LSAMP: variants seen among roughly 807,000 people sequenced by gnomAD.
The protein encoded by LSAMP is limbic system-associated membrane protein.
Under a neutral mutation model 38.6 loss-of-function variants are expected in LSAMP, and 7 were observed. The observed-to-expected ratio is 0.18, with a 90% CI of 0.10 to 0.34. The LOEUF (loss-of-function observed/expected upper bound fraction) is 0.34. LSAMP is among the 10% of genes least tolerant of loss of function. The pLI, the probability that LSAMP is intolerant of heterozygous loss-of-function variation, is 1.00. For synonymous variants in LSAMP, 154 were observed against 166.8 expected (o/e 0.92, Z 0.59); for missense variants, 313 against 420.0 (o/e 0.75, Z 2.23).
chr3:115,850,115 C>T (rs1292279471), intron 4 of LSAMP, among the ~76,000 whole-genome samples: 2 of 152,162 alleles, frequency 1.3e-5, no homozygotes, highest in Non-Finnish European at 2.9e-5. Context: ...CTGTGGTTCA[C>T]TCATCACTAG....
intron 3 of LSAMP, among the ~76,000 whole-genome samples, chr3:115,878,696 A>G (rs2107422320): frequency 6.6e-6 from 1 of 152,022 alleles, no homozygotes. Flanking sequence ...TCCTGGCCTC[A>G]AGAGATCCAC....
At chr3:115,970,634 T>C (rs1317945462) in intron 3 of LSAMP, among the ~76,000 whole-genome samples, 1 of 152,170 alleles carries the variant, frequency 6.6e-6, no homozygotes, top group Non-Finnish European at 1.5e-5. Context: ...CTTAGACTTA[T>C]TATGTACATT....
intron 1 of LSAMP, among the ~76,000 whole-genome samples, chr3:116,202,986 A>AT (rs1455145604): frequency 6.6e-6 from 1 of 152,206 alleles, no homozygotes; most frequent in Non-Finnish European, 1.5e-5. Flanking sequence ...TTGTGTATTG[A>AT]TTTTGTGTCC....
intron 3 of LSAMP, among the ~76,000 whole-genome samples, chr3:115,912,269 G>A (rs982551684): frequency 6.6e-6 from 1 of 152,160 alleles, no homozygotes. Flanking sequence ...AAGTTTTACA[G>A]TTTTACATTT....
chr3:116,018,510 A>G (rs539794499), intron 3 of LSAMP, among the ~76,000 whole-genome samples: 12 of 152,298 alleles, frequency 7.9e-5, no homozygotes, highest in African/African-American at 2.9e-4. Context: ...ATTTTAAGTG[A>G]CTATAAGATA....
At chr3:116,377,882 A>T (rs1298682925) in intron 1 of LSAMP, among the ~76,000 whole-genome samples, 2 of 152,002 alleles carry the variant, frequency 1.3e-5, no homozygotes, top group Non-Finnish European at 2.9e-5. Context: ...AGTTGGCCTG[A>T]AAATAACCAG....
intron 1 of LSAMP, among the ~76,000 whole-genome samples, chr3:116,117,254 G>T (rs898611403): frequency 6.6e-6 from 1 of 152,134 alleles, no homozygotes; most frequent in Non-Finnish European, 1.5e-5. Context: ...AGGCTCCACT[G>T]CAGGGTGACC....
intron 3 of LSAMP, among the ~76,000 whole-genome samples, chr3:116,007,494 T>C (rs1177969526): frequency 3.9e-5 from 6 of 152,176 alleles, no homozygotes; most frequent in Non-Finnish European, 5.9e-5. Flanking sequence ...TTCAGAAATG[T>C]GTGCACATTT....
chr3:116,425,694 T>G (rs904843362), intron 1 of LSAMP, among the ~76,000 whole-genome samples: 4 of 152,056 alleles, frequency 2.6e-5, no homozygotes, highest in Non-Finnish European at 5.9e-5. Flanking sequence ...TGCAGAAAAC[T>G]ATCAGCAAAC....
At chr3:116,443,968 T>G (rs1053062042) in intron 1 of LSAMP, among the ~76,000 whole-genome samples, 2 of 152,188 alleles carry the variant, frequency 1.3e-5, no homozygotes, top group Non-Finnish European at 2.9e-5. Flanking sequence ...TGAGTCTCTC[T>G]AGCTCACAGT....
At chr3:116,110,055 A>T (rs1708567037) in intron 1 of LSAMP, among the ~76,000 whole-genome samples, 1 of 151,900 alleles carries the variant, frequency 6.6e-6, no homozygotes, top group African/African-American at 2.4e-5. Context: ...GGGGTGTGGA[A>T]ATAAGGAATT....
intron 3 of LSAMP, among the ~76,000 whole-genome samples, chr3:116,008,963 G>C (rs982805249): frequency 2.0e-5 from 3 of 151,982 alleles, no homozygotes; most frequent in Non-Finnish European, 2.9e-5. Context: ...CTTCTTCCAG[G>C]AGCAATATTC....
intron 3 of LSAMP, among the ~76,000 whole-genome samples, chr3:115,904,519 T>C (rs1936961057): frequency 1.3e-5 from 2 of 152,094 alleles, no homozygotes; most frequent in South Asian, 4.1e-4. Context: ...TTTATAAAAA[T>C]AGCAACCAAA....
At position 115,853,320 on chromosome 3, in the gene LSAMP, G is replaced by A. The variant is rs1559851384; in HGVS notation, c.515-703C>T. On this transcript the variant is annotated intron_variant, in intron 3 of 6. Transcript: ENST00000490035. The stretch of plus-strand genomic sequence containing the variant: ...ACTACATCATCCTAGAGGCTTTTAG[G>A]CCATGGGCCAGATCCATGAGAATGT... Among the ~76,000 whole-genome samples the A allele has an allele frequency of 4.6e-5, 7 of 152,286 alleles. No individual in the cohort carries two copies. In the South Asian group the frequency reaches 1.5e-3, roughly 32 times the overall value.
At chr3:116,146,335 A>G (rs953310202) in intron 1 of LSAMP, among the ~76,000 whole-genome samples, 1 of 151,910 alleles carries the variant, frequency 6.6e-6, no homozygotes, top group African/African-American at 2.4e-5. Flanking sequence ...AAAGATTTCT[A>G]TTTCGTACCT....
At chr3:116,014,386 G>A (rs1940418129) in intron 3 of LSAMP, among the ~76,000 whole-genome samples, 1 of 151,752 alleles carries the variant, frequency 6.6e-6, no homozygotes, top group Non-Finnish European at 1.5e-5. Context: ...CTGTATTGAT[G>A]GATGACATAT....
chr3:116,017,679 T>C (rs1394604101), intron 3 of LSAMP, among the ~76,000 whole-genome samples: 1 of 152,150 alleles, frequency 6.6e-6, no homozygotes, highest in African/African-American at 2.4e-5. Flanking sequence ...CAATCACTTA[T>C]GAAAATTCAC....
At chr3:115,894,979 C>G (rs890728366) in intron 3 of LSAMP, among the ~76,000 whole-genome samples, 2 of 46,624 alleles carry the variant, frequency 4.3e-5, no homozygotes, top group South Asian at 7.4e-4. Flanking sequence ...GAACCAAATG[C>G]GGATGAATAG....
chr3:115,970,041 G>A (rs1938963918), intron 3 of LSAMP, among the ~76,000 whole-genome samples: 2 of 152,130 alleles, frequency 1.3e-5, no homozygotes, highest in Non-Finnish European at 2.9e-5. Flanking sequence ...GTTGGAAGAT[G>A]AGACATAGAG....
Sources: gnomAD v4.1 joint callset for allele counts (sites outside exome capture counted in the v4.1 genomes callset) on GRCh38, gnomAD v4.1.1 for gene constraint, MANE v1.5 for transcripts, NCBI Gene and HGNC (gene_info 2026-07-23, HGNC 2026-07-21) for gene names.